The following RBFOX1 variants were observed in gnomAD, a reference collection of about 807,000 sequenced individuals.
RBFOX1 encodes the protein RNA binding fox-1 homolog 1.
RBFOX1 carries 8 observed loss-of-function variants against 57.7 expected under a neutral mutation model. The ratio of observed to expected loss-of-function variants is 0.14; its 90% CI spans 0.08 to 0.25. RBFOX1 has a LOEUF of 0.25. Ranked by LOEUF, RBFOX1 falls within the 10% of genes least tolerant of loss-of-function variation. The pLI is 1.00. For missense variants in RBFOX1, 611 were observed against 548.5 expected, an observed-to-expected ratio of 1.11 and a Z score of -1.14; for synonymous variants, 326 against 222.4, an observed-to-expected ratio of 1.47 and a Z score of -4.15.
At chr16:6,951,171 T>G (rs1052547679) in intron 3 of RBFOX1, among the ~76,000 whole-genome samples, 13 of 152,122 alleles carry the variant, frequency 8.5e-5, no homozygotes, top group Admixed American at 5.2e-4. Flanking sequence ...CTTCCCAAAG[T>G]GTTGGGATTA....
At chr16:7,612,320 C>CAAAAAAAAAAAA (rs60248765) in intron 10 of RBFOX1, among the ~76,000 whole-genome samples, 1 of 71,478 alleles carries the variant, frequency 1.4e-5, no homozygotes, top group Non-Finnish European at 2.5e-5. Context: ...GACTCCATCT[C>CAAAAAAAAAAAA]AAAAAAAAAA....
intron 3 of RBFOX1, among the ~76,000 whole-genome samples, chr16:6,998,204 A>C (rs2092434839): frequency 6.6e-6 from 1 of 152,160 alleles, no homozygotes; most frequent in Non-Finnish European, 1.5e-5. Flanking sequence ...ATTAGTAGTG[A>C]TTTAGCTATG....
At chr16:7,569,535 G>C (rs909083720) in intron 5 of RBFOX1, among the ~76,000 whole-genome samples, 4 of 152,116 alleles carry the variant, frequency 2.6e-5, no homozygotes, top group African/African-American at 9.7e-5. Flanking sequence ...GGCCCACACA[G>C]GTAATCCAGG....
chr16:6,250,322 AT>A (rs2097598756), intron 1 of RBFOX1, among the ~76,000 whole-genome samples: 1 of 152,096 alleles, frequency 6.6e-6, no homozygotes, highest in East Asian at 1.9e-4. Context: ...AGAATGTTTA[AT>A]TTTGCAAGCC....
chr16:5,645,337 C>T (rs897665198), intron 3 of RBFOX1, among the ~76,000 whole-genome samples: 1 of 151,344 alleles, frequency 6.6e-6, no homozygotes, highest in Non-Finnish European at 1.5e-5. Flanking sequence ...TGTATGATTC[C>T]ATTTATATGA....
intron 1 of RBFOX1, among the ~76,000 whole-genome samples, chr16:6,315,397 G>A (rs140135627): frequency 1.6e-3 from 245 of 151,578 alleles, no homozygotes; most frequent in African/African-American, 5.2e-3. Context: ...TGGATGGATC[G>A]ATGGGTCTAT....
chr16:7,632,712 C>G (rs1358425131), intron 11 of RBFOX1, among the ~76,000 whole-genome samples: 2 of 152,110 alleles, frequency 1.3e-5, no homozygotes, highest in Non-Finnish European at 1.5e-5. Flanking sequence ...ACATTGCGGT[C>G]CTATAGAAGT....
Position 5,585,160 on chromosome 16 carries a change from A to C in RBFOX1, c.259-13742A>C, listed in dbSNP as rs75824124. ...AAAACCCTGAATCCCTTAAGGAACT[A>C]CTCCCCATCCTGCCCTCCCCCCGTC... On this transcript the variant is annotated intron_variant, in intron 2 of 2. Coordinates refer to the RBFOX1 transcript ENST00000585867. Among the ~76,000 whole-genome samples, 494 of 151,728 alleles carry C rather than the reference A, an allele frequency of 3.3e-3. 3 individuals carry two copies. Among genetic ancestry groups the C allele is most frequent in the African/African-American group, 0.011 (468 of 41,342 alleles).
chr16:5,724,519 A>G (rs2052059567), intron 3 of RBFOX1, among the ~76,000 whole-genome samples: 3 of 152,240 alleles, frequency 2.0e-5, no homozygotes, highest in South Asian at 4.2e-4. Flanking sequence ...CCCATTACCT[A>G]CCCACTGTGA....
intron 3 of RBFOX1, among the ~76,000 whole-genome samples, chr16:5,715,834 G>A (rs1222437811): frequency 6.6e-6 from 1 of 152,228 alleles, no homozygotes; most frequent in Non-Finnish European, 1.5e-5. Context: ...AATAGCGAGA[G>A]AAGGGGGTTT....
chr16:6,295,807 A>G (rs2078035481), intron 1 of RBFOX1, among the ~76,000 whole-genome samples: 1 of 152,138 alleles, frequency 6.6e-6, no homozygotes, highest in African/African-American at 2.4e-5. Context: ...TGTGAAGGTT[A>G]CTCCAGAGAG....
At chr16:7,264,161 G>C (rs2095039535) in intron 4 of RBFOX1, among the ~76,000 whole-genome samples, 1 of 152,108 alleles carries the variant, frequency 6.6e-6, no homozygotes, top group East Asian at 1.9e-4. Context: ...TGATGTGCTA[G>C]GCTCCTGGAC....
At chr16:5,525,816 C>T (rs547118864) in intron 2 of RBFOX1, among the ~76,000 whole-genome samples, 1 of 152,060 alleles carries the variant, frequency 6.6e-6, no homozygotes, top group African/African-American at 2.4e-5. Context: ...ACAGTCTTAA[C>T]ACAACAGTTC....
chr16:6,115,383 G>C (rs2096487213), intron 1 of RBFOX1, among the ~76,000 whole-genome samples: 1 of 152,054 alleles, frequency 6.6e-6, no homozygotes, highest in Non-Finnish European at 1.5e-5. Context: ...AAGGCAAAAA[G>C]AGGTCTTTAT....
intron 14 of RBFOX1, among the ~76,000 whole-genome samples, chr16:7,684,389 G>T (rs2075598887): frequency 2.0e-5 from 3 of 151,972 alleles, no homozygotes; most frequent in Admixed American, 2.0e-4. Context: ...AGAATAGAAG[G>T]AGTAACTAGT....
At chr16:6,089,379 A>G (rs1381800541) in intron 1 of RBFOX1, among the ~76,000 whole-genome samples, 1 of 152,198 alleles carries the variant, frequency 6.6e-6, no homozygotes, top group Non-Finnish European at 1.5e-5. Context: ...GCCCAGAGCC[A>G]TAAGAGATTC....
At chr16:6,535,819 C>T (rs1166700093) in intron 2 of RBFOX1, among the ~76,000 whole-genome samples, 4 of 152,198 alleles carry the variant, frequency 2.6e-5, no homozygotes, top group Admixed American at 2.0e-4. Flanking sequence ...GTTACACAAG[C>T]TCAGTTTCTC....
At chr16:6,944,886 G>C (rs1375778553) in intron 3 of RBFOX1, among the ~76,000 whole-genome samples, 2 of 152,162 alleles carry the variant, frequency 1.3e-5, no homozygotes. Flanking sequence ...TGATTCGTGG[G>C]TAGCTATGAA....
intron 4 of RBFOX1, among the ~76,000 whole-genome samples, chr16:7,070,124 C>T (rs1288427007): frequency 6.6e-6 from 1 of 152,180 alleles, no homozygotes; most frequent in Admixed American, 6.5e-5. Flanking sequence ...TTGCAAGCAA[C>T]TGCCGCTGTG....
Sources: gnomAD v4.1 joint callset for allele counts (sites outside exome capture counted in the v4.1 genomes callset) on GRCh38, gnomAD v4.1.1 for gene constraint, MANE v1.5 for transcripts, NCBI Gene and HGNC (gene_info 2026-07-23, HGNC 2026-07-21) for gene names.